ATP8A2: variants seen among roughly 807,000 people sequenced by gnomAD.
ATP8A2 encodes ATPase phospholipid transporting 8A2, also known as phospholipid-transporting ATPase IB.
Under a neutral mutation model 165.6 loss-of-function variants are expected in ATP8A2, and 100 were observed. The observed-to-expected ratio is 0.60, with a 90% CI of 0.51 to 0.71. ATP8A2 has a LOEUF of 0.71. Among genes scored for constraint, ATP8A2 ranks in the 30% least tolerant of loss-of-function variants. ATP8A2 has a pLI of 0.00. For missense variants in ATP8A2, 1,227 were observed against 1,479.5 expected, an observed-to-expected ratio of 0.83 and a Z score of 2.80; for synonymous variants, 543 against 548.8, an observed-to-expected ratio of 0.99 and a Z score of 0.15.
intron 1 of ATP8A2, among the ~76,000 whole-genome samples, chr13:25,433,047 A>G (rs2034659072): frequency 6.6e-6 from 1 of 152,016 alleles, no homozygotes. Flanking sequence ...AATGGCTTCT[A>G]TTTCTTTTAA....
At chr13:25,392,137 A>G (rs1368920806) in intron 1 of ATP8A2, among the ~76,000 whole-genome samples, 4 of 152,098 alleles carry the variant, frequency 2.6e-5, no homozygotes, top group African/African-American at 9.7e-5. Flanking sequence ...AATGAGCACC[A>G]CCCCTCAAGT....
chr13:25,971,097 T>C (rs955564302), intron 35 of ATP8A2, among the ~76,000 whole-genome samples: 5 of 152,072 alleles, frequency 3.3e-5, no homozygotes, highest in Non-Finnish European at 5.9e-5. Flanking sequence ...TTTCTTCTAG[T>C]CCCAGCATCT....
intron 35 of ATP8A2, among the ~76,000 whole-genome samples, chr13:25,994,085 A>G (rs1362574069): frequency 1.3e-5 from 2 of 152,098 alleles, no homozygotes; most frequent in Non-Finnish European, 2.9e-5. Flanking sequence ...TATTTCATAT[A>G]TTTTTGAACG....
At chr13:25,819,744 A>G (rs1193505081) in intron 27 of ATP8A2, among the ~76,000 whole-genome samples, 2 of 151,606 alleles carry the variant, frequency 1.3e-5, no homozygotes, top group African/African-American at 4.8e-5. Flanking sequence ...CGCTGCTTTC[A>G]TTTATGAGAA....
At chr13:25,827,228 G>C (rs1951344729) in intron 27 of ATP8A2, among the ~76,000 whole-genome samples, 1 of 152,100 alleles carries the variant, frequency 6.6e-6, no homozygotes, top group South Asian at 2.1e-4. Context: ...TCCTGCCTCA[G>C]ACCCCCCCGA....
Position 25,776,410 on chromosome 13 carries a change from G to C in ATP8A2, c.2679+1451G>C, listed in dbSNP as rs79961026. On this transcript the variant is annotated intron_variant, in intron 27 of 36. Transcript: ENST00000381655. ...AAGAAAATACACAGCAGAGGCTTGAGAGATTTGGTGATATAATTGACGTTT... is the reference window on the plus strand; with the variant it reads ...AAGAAAATACACAGCAGAGGCTTGACAGATTTGGTGATATAATTGACGTTT... Among the ~76,000 whole-genome samples, 617 of 152,346 alleles carry C rather than the reference G, an allele frequency of 4.0e-3. 6 individuals are homozygous for C. The highest frequency in any genetic ancestry group is 0.014 in the African/African-American group (597 of 41,590).
At chr13:25,937,383 C>G (rs1485699771) in intron 33 of ATP8A2, among the ~76,000 whole-genome samples, 1 of 5,394 alleles carries the variant, frequency 1.9e-4, no homozygotes, top group East Asian at 0.016. Context: ...TTTTTTTGAA[C>G]AGCCCAATGT....
intron 24 of ATP8A2, among the ~76,000 whole-genome samples, chr13:25,672,331 G>C (rs1213767039): frequency 1.3e-5 from 2 of 152,150 alleles, no homozygotes; most frequent in Non-Finnish European, 2.9e-5. Context: ...AGTATCTTAG[G>C]TCTTTTGTTT....
At chr13:25,485,939 T>G (rs746237824) in intron 2 of ATP8A2, among the ~76,000 whole-genome samples, 43 of 151,920 alleles carry the variant, frequency 2.8e-4, no homozygotes, top group Non-Finnish European at 5.9e-4. Flanking sequence ...GCTCCTATAC[T>G]CAACAAAAAT....
chr13:25,553,793 A>C lies in ATP8A2; in HGVS notation c.1058A>C (p.Asp353Ala). The change falls in exon 12 of 37, where the codon GAC becomes GCC. Residue 353 changes from aspartate to alanine, a missense_variant and splice_region_variant. Asp to Ala is a moderately radical substitution (Grantham distance 126, BLOSUM62 -2). Coordinates refer to ENST00000381655, the MANE Select transcript of ATP8A2 (RefSeq NM_016529.6). ...CAGATACTCTGGTTTCCTTCCACAGACACCACCTCAGATAATTTTGGATAC... is the reference window on the plus strand; with the variant it reads ...CAGATACTCTGGTTTCCTTCCACAGCCACCACCTCAGATAATTTTGGATAC... ...GEKNWYIKKM[D>A]TTSDNFGYNL... is the part of the protein sequence containing the mutation. The C allele has an allele frequency of 6.2e-7, 1 of 1,611,750 alleles. No homozygotes were observed. Among genetic ancestry groups the C allele is most frequent in the Non-Finnish European group, 8.5e-7 (1 of 1,179,192 alleles).
At chr13:25,595,662 A>G (rs1470577925) in intron 24 of ATP8A2, among the ~76,000 whole-genome samples, 4 of 152,164 alleles carry the variant, frequency 2.6e-5, no homozygotes, top group Non-Finnish European at 5.9e-5. Context: ...TCCCTCTGGA[A>G]TGTTTTTCTG....
At chr13:25,562,716 G>A (rs1593539065) in intron 15 of ATP8A2, among the ~76,000 whole-genome samples, 1 of 73,698 alleles carries the variant, frequency 1.4e-5, no homozygotes, top group African/African-American at 6.1e-5. Context: ...GTTTTGGGAG[G>A]ATGCCTAACC....
At chr13:26,004,215 A>G (rs1956695012) in intron 35 of ATP8A2, among the ~76,000 whole-genome samples, 2 of 152,034 alleles carry the variant, frequency 1.3e-5, no homozygotes, top group Non-Finnish European at 2.9e-5. Flanking sequence ...AGTTTTCTCT[A>G]TATAGTCTTT....
chr13:25,467,288 G>C (rs1474871869), intron 1 of ATP8A2, among the ~76,000 whole-genome samples: 2 of 152,212 alleles, frequency 1.3e-5, no homozygotes, highest in Non-Finnish European at 2.9e-5. Flanking sequence ...CCCGGAGCCT[G>C]CACCCACTAG....
intron 33 of ATP8A2, among the ~76,000 whole-genome samples, chr13:25,892,251 C>T (rs561232415): frequency 7.9e-5 from 12 of 152,224 alleles, no homozygotes; most frequent in Non-Finnish European, 1.6e-4. Flanking sequence ...GCTGGGATTA[C>T]AGGTGTGAGC....
chr13:25,408,126 G>A (rs2033861537), intron 1 of ATP8A2, among the ~76,000 whole-genome samples: 1 of 151,994 alleles, frequency 6.6e-6, no homozygotes, highest in South Asian at 2.1e-4. Context: ...TGGGTGCAGT[G>A]GCTCATGCCT....
At chr13:25,672,524 T>C (rs919675082) in intron 24 of ATP8A2, among the ~76,000 whole-genome samples, 1 of 152,190 alleles carries the variant, frequency 6.6e-6, no homozygotes, top group Non-Finnish European at 1.5e-5. Context: ...CTCTAAGGAA[T>C]TGGTTTTTCA....
chr13:25,782,563 C>G (rs1241635936), intron 27 of ATP8A2, among the ~76,000 whole-genome samples: 1 of 152,094 alleles, frequency 6.6e-6, no homozygotes, highest in African/African-American at 2.4e-5. Context: ...TACACCCTCC[C>G]CACCTTCAGA....
chr13:25,863,942 T>C (rs1195126959), intron 33 of ATP8A2, among the ~76,000 whole-genome samples: 1 of 152,218 alleles, frequency 6.6e-6, no homozygotes, highest in Non-Finnish European at 1.5e-5. Flanking sequence ...CCCAGAAGAT[T>C]GTTGTGTAGC....
Sources: gnomAD v4.1 joint callset for allele counts (sites outside exome capture counted in the v4.1 genomes callset) on GRCh38, gnomAD v4.1.1 for gene constraint, MANE v1.5 for transcripts, NCBI Gene and HGNC (gene_info 2026-07-23, HGNC 2026-07-21) for gene names.